GRIN2A: variants seen among roughly 807,000 people sequenced by gnomAD.
The protein encoded by GRIN2A is glutamate ionotropic receptor NMDA type subunit 2A.
Under a neutral mutation model 113.4 loss-of-function variants are expected in GRIN2A, and 22 were observed. The observed-to-expected ratio is 0.19, with a 90% CI of 0.14 to 0.28. GRIN2A has a LOEUF of 0.28. Among genes scored for constraint, GRIN2A ranks in the 10% least tolerant of loss-of-function variants. The pLI is 1.00. For missense variants in GRIN2A, 1,502 were observed against 1,887.0 expected (o/e 0.80, Z 3.78); for synonymous variants, 827 against 738.4 (o/e 1.12, Z -1.94).
At chr16:9,986,012 TGA>T (rs2045974197) in intron 2 of GRIN2A, among the ~76,000 whole-genome samples, 1 of 152,184 alleles carries the variant, frequency 6.6e-6, no homozygotes, top group Non-Finnish European at 1.5e-5. Context: ...CATTTTTAAC[TGA>T]TATTTTATAA....
intron 2 of GRIN2A, among the ~76,000 whole-genome samples, chr16:9,942,565 T>C (rs577623440): frequency 6.6e-6 from 1 of 152,220 alleles, no homozygotes; most frequent in Admixed American, 6.5e-5. Context: ...TGTCTCCACA[T>C]CCTCGGTCCT....
chr16:10,111,454 C>T, intron 2 of GRIN2A: 2 of 591,224 alleles, frequency 3.4e-6, no homozygotes, highest in Admixed American at 4.6e-5. Context: ...GCAGCTCTTC[C>T]TCGGCGCCAA....
rs116638186 is a variant in GRIN2A, at chr16:10,097,108, C to T, written c.414+82890G>A. 9.5e-3 allele frequency among the ~76,000 whole-genome samples: 1,449 copies of T among 152,264 alleles called. 25 individuals carry two copies. Among genetic ancestry groups the T allele is most frequent in the African/African-American group, 0.033 (1,365 of 41,534 alleles). On this transcript the variant is annotated intron_variant, in intron 2 of 12. Transcript: ENST00000330684. ...AAAGTCCCAAACACCCTACAACACT[C>T]GCTAATCTCCCTTTTTAACAGCGAG...
In GRIN2A at chr16:9,981,667, C is replaced by G. The variant is rs550032713; in HGVS notation, c.415-43116G>C. ...ATCACACTCAAAATTTACCTTAATC[C>G]TTAATATTATCAAGTGTCTGGTCTG... On this transcript the variant is annotated intron_variant, in intron 2 of 12. Transcript: ENST00000330684. Among the ~76,000 whole-genome samples the G allele has an allele frequency of 2.6e-5, 4 of 152,212 alleles. No homozygotes were observed. The South Asian group carries it at 8.3e-4, about 32-fold the overall frequency.
At chr16:10,086,610 A>G (rs1379361049) in intron 2 of GRIN2A, among the ~76,000 whole-genome samples, 2 of 86,956 alleles carry the variant, frequency 2.3e-5, no homozygotes, top group South Asian at 4.8e-4. Context: ...AGCTCCAAAA[A>G]AAAAAAAAAA....
rs544725182 is a variant in GRIN2A, at chr16:10,048,428, A to G, written c.415-109877T>C. ...GAATTATTTAAGAATCTAATTTTCA[A>G]AAACAGTCAACAGCAAAAAGAAAAC... On this transcript the variant is annotated intron_variant, in intron 2 of 12. Transcript: ENST00000330684. Among the ~76,000 whole-genome samples the G allele has an allele frequency of 1.1e-4, 16 of 152,360 alleles. No homozygotes were observed. The South Asian group carries it at 2.9e-3, about 28-fold the overall frequency.
At chr16:9,877,029 A>C (rs892483862) in intron 4 of GRIN2A, among the ~76,000 whole-genome samples, 2 of 152,180 alleles carry the variant, frequency 1.3e-5, no homozygotes, top group African/African-American at 2.4e-5. Flanking sequence ...CCTATATGAA[A>C]ATTTCCATCA....
At chr16:9,855,659 A>C (rs1014032891) in intron 4 of GRIN2A, among the ~76,000 whole-genome samples, 1 of 152,188 alleles carries the variant, frequency 6.6e-6, no homozygotes. Flanking sequence ...GCTCAGGGTA[A>C]TGAGTACATA....
intron 4 of GRIN2A, among the ~76,000 whole-genome samples, chr16:9,864,984 G>A (rs916010315): frequency 1.3e-5 from 2 of 152,136 alleles, no homozygotes; most frequent in Non-Finnish European, 2.9e-5. Flanking sequence ...ATGATGAAAT[G>A]CACACTGATG....
intron 11 of GRIN2A, among the ~76,000 whole-genome samples, chr16:9,797,210 A>G (rs1195227697): frequency 1.3e-5 from 2 of 152,278 alleles, no homozygotes; most frequent in Non-Finnish European, 2.9e-5. Flanking sequence ...ATCTCTGAAT[A>G]TAGCCTCCAC....
In GRIN2A at chr16:10,005,526, G is replaced by A. The variant is rs1052060319; in HGVS notation, c.415-66975C>T. 3.9e-5 allele frequency among the ~76,000 whole-genome samples: 6 copies of A among 152,190 alleles called. No homozygotes were observed. In the South Asian group the frequency reaches 8.3e-4, roughly 21 times the overall value. On this transcript the variant is annotated intron_variant, in intron 2 of 12. Coordinates refer to ENST00000330684, the MANE Select transcript of GRIN2A (RefSeq NM_001134407.3). ...TGAGTGAGTGAAGTGGTCCAGATACGTAAAGAGGTAAACTGGGGGGGTCCA... is the reference window on the plus strand; with the variant it reads ...TGAGTGAGTGAAGTGGTCCAGATACATAAAGAGGTAAACTGGGGGGGTCCA...
chr16:10,164,150 A>G (rs142434476), intron 2 of GRIN2A, among the ~76,000 whole-genome samples: 94 of 152,316 alleles, frequency 6.2e-4, no homozygotes, highest in African/African-American at 2.2e-3. Flanking sequence ...GGGTAGGGGC[A>G]ACCAGGTTAA....
At chr16:10,177,675 A>C (rs939700114) in intron 2 of GRIN2A, among the ~76,000 whole-genome samples, 1 of 152,186 alleles carries the variant, frequency 6.6e-6, no homozygotes, top group African/African-American at 2.4e-5. Flanking sequence ...ACGCAGTTTC[A>C]TCCCAAAGGA....
At chr16:10,080,116 C>A (rs372080555) in intron 2 of GRIN2A, among the ~76,000 whole-genome samples, 3 of 152,194 alleles carry the variant, frequency 2.0e-5, no homozygotes, top group African/African-American at 7.2e-5. Flanking sequence ...AATTACTGTT[C>A]TTATCATCTC....
At chr16:10,179,893 C>CCCAAAAA in intron 2 of GRIN2A, 105 bp downstream of exon 2, 2 of 719,816 alleles carry the variant, frequency 2.8e-6, no homozygotes, top group East Asian at 3.6e-5. Flanking sequence ...CCCCCACCCC[C>CCCAAAAA]ACTTCACATC....
At chr16:10,118,060 C>T (rs2048762133) in intron 2 of GRIN2A, among the ~76,000 whole-genome samples, 1 of 152,128 alleles carries the variant, frequency 6.6e-6, no homozygotes, top group Non-Finnish European at 1.5e-5. Context: ...GCCCCTCTTC[C>T]TTCTGAGGTG....
At chr16:9,865,156 A>G (rs140246429) in intron 4 of GRIN2A, among the ~76,000 whole-genome samples, 63 of 152,354 alleles carry the variant, frequency 4.1e-4, no homozygotes, top group African/African-American at 1.3e-3. Flanking sequence ...TAATAGTGAG[A>G]AAACAGTAAT....
chr16:9,976,828 C>T (rs938896702), intron 2 of GRIN2A, among the ~76,000 whole-genome samples: 1 of 152,188 alleles, frequency 6.6e-6, no homozygotes, highest in Non-Finnish European at 1.5e-5. Flanking sequence ...ACTATCCATC[C>T]GGTGGCCAGC....
At chr16:10,074,339 T>A (rs1340665121) in intron 2 of GRIN2A, among the ~76,000 whole-genome samples, 1 of 152,238 alleles carries the variant, frequency 6.6e-6, no homozygotes, top group Non-Finnish European at 1.5e-5. Context: ...AAGCTACACA[T>A]AGAACTCCTA....
Sources: allele counts gnomAD v4.1 joint callset (sites outside exome capture counted in the v4.1 genomes callset), GRCh38; gene constraint gnomAD v4.1.1; transcripts MANE v1.5; gene names NCBI Gene and HGNC (gene_info 2026-07-23, HGNC 2026-07-21).